The following TNFRSF10B variants were observed in gnomAD, a reference collection of about 807,000 sequenced individuals.
The protein encoded by TNFRSF10B is TNF receptor superfamily member 10b.
A neutral mutation model predicts 41.4 loss-of-function variants in TNFRSF10B; 35 were observed. That is an observed-to-expected ratio of 0.85 (90% CI 0.65 to 1.12). The LOEUF is 1.12. Among genes scored for constraint, TNFRSF10B ranks in the 50% most tolerant of loss-of-function variants. The pLI is 0.00. For synonymous variants in TNFRSF10B, 230 were observed against 215.5 expected (o/e 1.07, Z -0.59); for missense variants, 584 against 552.7 (o/e 1.06, Z -0.57).
In TNFRSF10B at chr8:23,027,353, G is replaced by C. The variant is rs1811734016; in HGVS notation, c.781-65C>G. 4.4e-6 allele frequency: 7 copies of C among 1,594,538 alleles called. No homozygotes were observed. The Admixed American group carries it at 1.2e-4, about 27-fold the overall frequency. On this transcript the variant is annotated intron_variant, in intron 6 of 8. Coordinates refer to ENST00000276431, the MANE Select transcript of TNFRSF10B (RefSeq NM_003842.5). ...AGTCCACACCTAGGGCTCGCTGCAG[G>C]GTCCTCAGTATGCAGCTGCACCTGA...
chr8:23,060,734 T>C lies in TNFRSF10B; in HGVS notation c.144+8017A>G, dbSNP rs139498894. On this transcript the variant is annotated intron_variant, in intron 1 of 8. Transcript: ENST00000276431. ...AATGTATAGATCACTTTAGGAAATG[T>C]TGACATAATTAGTCTTATAATTCAT... Among the ~76,000 whole-genome samples the C allele has an allele frequency of 3.3e-3, 510 of 152,346 alleles. 1 individual carries two copies. Among genetic ancestry groups the C allele is most frequent in the African/African-American group, 0.012 (494 of 41,584 alleles).
rs531816781 is a variant in TNFRSF10B, at chr8:23,058,963, G to A, written c.144+9788C>T. ...ACACTACATTTATTAATGTTGTTGTGCAATAATCACAACTATCCATCCTCA... is the reference window on the plus strand; with the variant it reads ...ACACTACATTTATTAATGTTGTTGTACAATAATCACAACTATCCATCCTCA... On this transcript the variant is annotated intron_variant, in intron 1 of 8. Transcript: ENST00000276431. Among the ~76,000 whole-genome samples the A allele has an allele frequency of 2.6e-5, 4 of 152,092 alleles. No individual in the cohort carries two copies. In the East Asian group the frequency reaches 5.8e-4, roughly 22 times the overall value.
Position 23,020,824 on chromosome 8 carries a change from G to A in TNFRSF10B, c.*1847C>T. On this transcript the variant is annotated 3_prime_UTR_variant, in exon 9 of 9. Transcript: ENST00000276431. Reference sequence around the variant, plus strand: ...CTGGCACCTTCTGAGCCCTGAGGCTGAGCGTCCTGCACAGAAGGCCCAGCA... The same window carrying A: ...CTGGCACCTTCTGAGCCCTGAGGCTAAGCGTCCTGCACAGAAGGCCCAGCA... The A allele has an allele frequency of 6.6e-6, 3 of 454,150 alleles. No homozygotes were observed. Among genetic ancestry groups the A allele is most frequent in the Non-Finnish European group, 1.3e-5 (3 of 226,802 alleles). 28.1% of individuals were successfully genotyped at this position (454,150 alleles called of 1,614,324 possible). A position where few individuals can be genotyped will look rare whatever the true frequency, so the allele number is the denominator to read the frequency against.
At chr8:23,066,165 C>G (rs1380904647) in intron 1 of TNFRSF10B, among the ~76,000 whole-genome samples, 1 of 151,940 alleles carries the variant, frequency 6.6e-6, no homozygotes, top group Non-Finnish European at 1.5e-5. Context: ...TGCCTGTGGT[C>G]CCAGCTACTT....
intron 6 of TNFRSF10B, 67 bp downstream of exon 6, chr8:23,027,655 G>A: frequency 6.2e-7 from 1 of 1,609,954 alleles, no homozygotes; most frequent in African/African-American, 1.3e-5. Flanking sequence ...CACCCACCCA[G>A]GTTCTGCTGT....
At chr8:23,052,398 G>A (rs150950295) in intron 1 of TNFRSF10B, among the ~76,000 whole-genome samples, 20,362 of 149,308 alleles carry the variant, frequency 0.14, 1,741 homozygotes, top group South Asian at 0.19. Context: ...CCATTCTCCT[G>A]CCTCAGCCTC....
chr8:23,033,259 T>C lies in TNFRSF10B; in HGVS notation c.251-2387A>G, dbSNP rs138709493. ...CCTTTAGGAGGTAATGTAATGACAT[T>C]AGATAATAGCTCAAAGGCATACGAA... On this transcript the variant is annotated intron_variant, in intron 2 of 8. Coordinates refer to ENST00000276431, the MANE Select transcript of TNFRSF10B (RefSeq NM_003842.5). Among the ~76,000 whole-genome samples, 53 of 152,018 alleles carry C rather than the reference T, an allele frequency of 3.5e-4. 1 individual carries two copies. In the East Asian group the frequency reaches 9.9e-3, roughly 28 times the overall value.
rs77512830 is a variant in TNFRSF10B, at chr8:23,036,301, G to A, written c.251-5429C>T. 8.4e-3 allele frequency among the ~76,000 whole-genome samples: 1,280 copies of A among 152,220 alleles called. 17 individuals are homozygous for A. The highest frequency in any genetic ancestry group is 0.029 in the African/African-American group (1,202 of 41,526). Reference sequence around the variant, plus strand: ...TGTAATTGGTATATATACAAAATTGGGCTTAAATAGGCCCTGAAGGCACAA... The same window carrying A: ...TGTAATTGGTATATATACAAAATTGAGCTTAAATAGGCCCTGAAGGCACAA... On this transcript the variant is annotated intron_variant, in intron 2 of 8. Coordinates refer to ENST00000276431, the MANE Select transcript of TNFRSF10B (RefSeq NM_003842.5).
chr8:23,022,608 G>A lies in TNFRSF10B; in HGVS notation c.*63C>T. 6.3e-7 allele frequency: 1 copy of A among 1,590,932 alleles called. No homozygotes were observed. The highest frequency in any genetic ancestry group is 1.1e-5 in the South Asian group (1 of 89,738). On this transcript the variant is annotated 3_prime_UTR_variant, in exon 9 of 9. Transcript: ENST00000276431. ...GCACTTTCCTACTGACTGGAGTCCA[G>A]TTGGGCTTTTTCCAGAAAAAAGGTA...
chr8:23,031,708 T>C (rs1811889866), intron 2 of TNFRSF10B, among the ~76,000 whole-genome samples: 1 of 152,034 alleles, frequency 6.6e-6, no homozygotes. Context: ...ATATGAAATT[T>C]AAATCCACAC....
chr8:23,055,030 C>G (rs767013274), intron 1 of TNFRSF10B, among the ~76,000 whole-genome samples: 4 of 152,164 alleles, frequency 2.6e-5, no homozygotes, highest in Admixed American at 6.5e-5. Context: ...AAATTCTAGT[C>G]TTCCTCGATG....
intron 1 of TNFRSF10B, among the ~76,000 whole-genome samples, chr8:23,064,407 G>A (rs563562039): frequency 8.5e-5 from 13 of 152,222 alleles, no homozygotes; most frequent in Non-Finnish European, 1.6e-4. Context: ...GCAGGACGAG[G>A]CTGTGCCGTC....
chr8:23,027,336 C>A, intron 6 of TNFRSF10B, 48 bp from the exon 7 acceptor site: 2 of 1,611,652 alleles, frequency 1.2e-6, no homozygotes, highest in Non-Finnish European at 1.7e-6. Flanking sequence ...GGAGTCCACA[C>A]CTAGGGCTCG....
chr8:23,024,196 G>A lies in TNFRSF10B; in HGVS notation c.1001C>T (p.Pro334Leu). Residue 334 changes from proline to leucine, a missense_variant, in exon 8 of 9, where the codon CCC (proline) becomes CTC (leucine). Transcript: ENST00000276431. ...RLLVPANEGD[P>L]TETLRQCFDD... ...AGGAGCAAAACACTTACTCTCAGTG[G>A]GATCACCTTCATTTGCTGGAACCAG... 6.2e-7 allele frequency: 1 copy of A among 1,614,020 alleles called. No individual in the cohort carries two copies.
chr8:23,027,796 T>G, intron 5 of TNFRSF10B, 43 bp from the exon 6 acceptor site: 1 of 1,613,072 alleles, frequency 6.2e-7, no homozygotes, highest in Admixed American at 1.7e-5. Context: ...GAGGGGCCCA[T>G]GAAGCACCCC....
In TNFRSF10B at chr8:23,068,934, G is replaced by T. The variant is rs776119544; in HGVS notation, c.-40C>A. 1.9e-6 allele frequency: 3 copies of T among 1,612,924 alleles called. No individual in the cohort carries two copies. In the African/African-American group the frequency reaches 4.0e-5, roughly 22 times the overall value. On this transcript the variant is annotated 5_prime_UTR_variant, in exon 1 of 9. Transcript: ENST00000276431. Reference sequence around the variant, plus strand: ...CTCTTATAGTCTCTCAGGCCCGTGGGTTTCAGCCCTTAAAGTAGATCGGGC... The same window carrying T: ...CTCTTATAGTCTCTCAGGCCCGTGGTTTTCAGCCCTTAAAGTAGATCGGGC...
At chr8:23,057,164 C>T (rs1021334005) in intron 1 of TNFRSF10B, among the ~76,000 whole-genome samples, 22 of 150,960 alleles carry the variant, frequency 1.5e-4, no homozygotes, top group Non-Finnish European at 2.1e-4. Context: ...CTCAGCCTCC[C>T]GAGTAGCTGG....
chr8:23,033,342 T>C (rs1811933032), intron 2 of TNFRSF10B, among the ~76,000 whole-genome samples: 1 of 151,966 alleles, frequency 6.6e-6, no homozygotes, highest in Non-Finnish European at 1.5e-5. Flanking sequence ...CCCAGCACTC[T>C]GGGAGGCCGA....
rs1254448149 is a variant in TNFRSF10B, at chr8:23,021,228, A to G, written c.*1443T>C. 4.4e-6 allele frequency: 2 copies of G among 454,134 alleles called. No individual in the cohort carries two copies. The highest frequency in any genetic ancestry group is 8.8e-6 in the Non-Finnish European group (2 of 226,788). The allele number at this position is 454,134 out of a possible 1,614,324, so 28.1% of individuals were successfully genotyped here. A position where few individuals can be genotyped will look rare whatever the true frequency, so the allele number is the denominator to read the frequency against. On this transcript the variant is annotated 3_prime_UTR_variant, in exon 9 of 9. Coordinates refer to ENST00000276431, the MANE Select transcript of TNFRSF10B (RefSeq NM_003842.5). ...AACAGGACACAAGAAGAAAACCTTA[A>G]TGCGTCAGCCATTCTAGGTCCTGTT...
Sources: allele counts gnomAD v4.1 joint callset (sites outside exome capture counted in the v4.1 genomes callset), GRCh38; gene constraint gnomAD v4.1.1; transcripts MANE v1.5; gene names NCBI Gene and HGNC (gene_info 2026-07-23, HGNC 2026-07-21).